Variants in PIK3R5 observed in about 807,000 individuals in gnomAD.
PIK3R5 encodes the protein phosphoinositide-3-kinase regulatory subunit 5.
Under a neutral mutation model 94.9 loss-of-function variants are expected in PIK3R5, and 32 were observed. That is an observed-to-expected ratio of 0.34 (90% CI 0.25 to 0.45). The LOEUF (loss-of-function observed/expected upper bound fraction) is 0.45, where lower values mean the gene tolerates loss of function less well. PIK3R5 is among the 20% of genes least tolerant of loss of function. The pLI, the probability that PIK3R5 is intolerant of heterozygous loss-of-function variation, is 1.00. For synonymous variants in PIK3R5, 443 were observed against 479.4 expected, an observed-to-expected ratio of 0.92 and a Z score of 0.99; for missense variants, 853 against 1,144.6, an observed-to-expected ratio of 0.75 and a Z score of 3.68.
At chr17:8,963,767 G>C (rs1308684545) in intron 1 of PIK3R5, among the ~76,000 whole-genome samples, 1 of 152,054 alleles carries the variant, frequency 6.6e-6, no homozygotes, top group Non-Finnish European at 1.5e-5. Context: ...ACTGCAGCCT[G>C]AGGAGGGAAG....
rs1044589096 is a variant in PIK3R5, at chr17:8,911,035, C to G, written c.103+357G>C. On this transcript the variant is annotated intron_variant, in intron 2 of 18. Transcript: ENST00000447110. This position sits in a 1 kb window ranked among gnomAD's most constrained non-coding sequence, Gnocchi z 5.3. Reference sequence around the variant, plus strand: ...GATAGGACTATGAGGGAACTAGAAACAAACAAACAGGAGAATTCTGGGGAG... The same window carrying G: ...GATAGGACTATGAGGGAACTAGAAAGAAACAAACAGGAGAATTCTGGGGAG... 3.3e-5 allele frequency among the ~76,000 whole-genome samples: 5 copies of G among 152,174 alleles called. No individual in the cohort carries two copies. Among genetic ancestry groups the G allele is most frequent in the African/African-American group, 1.2e-4 (5 of 41,450 alleles).
At chr17:8,903,835 G>C in intron 5 of PIK3R5, among the ~76,000 whole-genome samples, 1 of 152,188 alleles carries the variant, frequency 6.6e-6, no homozygotes, top group East Asian at 1.9e-4. Flanking sequence ...TCTCAGTCTC[G>C]ACAGAAAACC....
chr17:8,920,953 T>C (rs550170167), intron 1 of PIK3R5, among the ~76,000 whole-genome samples: 6 of 151,804 alleles, frequency 4.0e-5, no homozygotes, highest in Admixed American at 2.0e-4. Flanking sequence ...GCTATCCTCC[T>C]GCCTCAGCCT....
At chr17:8,919,773 TC>T (rs1271566100) in intron 1 of PIK3R5, among the ~76,000 whole-genome samples, 2 of 152,136 alleles carry the variant, frequency 1.3e-5, no homozygotes, top group African/African-American at 4.8e-5. Flanking sequence ...GTGGAAACAT[TC>T]CCAGTGCATA....
chr17:8,923,016 A>C (rs141437141), intron 1 of PIK3R5, among the ~76,000 whole-genome samples: 2 of 152,318 alleles, frequency 1.3e-5, no homozygotes, highest in East Asian at 3.9e-4. Flanking sequence ...AGTTGTGGTC[A>C]AGACCAAGAA....
rs2090466221 is a variant in PIK3R5 at position 8,909,124 on chromosome 17, G to C, written c.154C>G (p.Pro52Ala). 3 of 1,609,328 alleles carry C rather than the reference G, an allele frequency of 1.9e-6. No individual in the cohort carries two copies. The highest frequency in any genetic ancestry group is 3.3e-5 in the Admixed American group (2 of 59,728). The change falls in exon 3 of 19, where the codon CCG becomes GCG. Residue 52 changes from proline to alanine, a missense_variant. Pro to Ala is a conservative substitution (Grantham distance 27). This residue lies in a region of PIK3R5 where 108 missense variants were observed against 170.1 expected (regional missense o/e 0.63). Transcript: ENST00000447110. The surrounding 1 kb of genome is among the most constrained non-coding windows in gnomAD (Gnocchi z 4.3). ...WSLQELVSRD[P>A]GHFLILLEQI... Reference sequence around the variant, plus strand: ...TCAAGGAGGATAAGGAAGTGGCCCGGGTCCCTGCTGACCAGCTCCTGCAGG... The same window carrying C: ...TCAAGGAGGATAAGGAAGTGGCCCGCGTCCCTGCTGACCAGCTCCTGCAGG...
chr17:8,957,635 G>A (rs2091485841), intron 1 of PIK3R5, among the ~76,000 whole-genome samples: 1 of 152,208 alleles, frequency 6.6e-6, no homozygotes, highest in African/African-American at 2.4e-5. Context: ...GTGGAAATAG[G>A]CATGCTTGTT....
intron 14 of PIK3R5, chr17:8,885,160 G>T (rs2089787655): frequency 8.0e-6 from 2 of 249,444 alleles, no homozygotes; most frequent in African/African-American, 2.3e-5. Flanking sequence ...GGGTAACCCT[G>T]CCTCCCCAGG....
In PIK3R5 at chr17:8,911,612, C is replaced by A. The variant is rs1192945716; in HGVS notation, c.-13-105G>T. On this transcript the variant is annotated intron_variant, in intron 1 of 18. Coordinates refer to ENST00000447110, the MANE Select transcript of PIK3R5 (RefSeq NM_001142633.3). The surrounding 1 kb of genome is among the most constrained non-coding windows in gnomAD (Gnocchi z 5.3). ...TCACAGTGCAGCGCGATCAGCCCAG[C>A]CCAGCTATAGCTCAGGTGCTGTGGA... 1.4e-6 allele frequency: 1 copy of A among 705,356 alleles called. No individual in the cohort carries two copies. Among genetic ancestry groups the A allele is most frequent in the East Asian group, 2.8e-5 (1 of 36,094 alleles). The allele number at this position is 705,356 out of a possible 1,614,324, so 43.7% of individuals were successfully genotyped here.
intron 1 of PIK3R5, among the ~76,000 whole-genome samples, chr17:8,952,283 A>C (rs1373690425): frequency 6.6e-6 from 1 of 152,264 alleles, no homozygotes; most frequent in East Asian, 1.9e-4. Flanking sequence ...TATTTCAGTG[A>C]ATGCTGAGTT....
At position 8,911,418 on chromosome 17, in the gene PIK3R5, A is replaced by C. The variant is rs2090521398; in HGVS notation, c.77T>G (p.Leu26Arg). Residue 26 changes from leucine to arginine, a missense_variant, in exon 2 of 19, where the codon CTC (leucine) becomes CGC (arginine). Physicochemically the swap from Leu to Arg is moderately radical, Grantham distance 102. Coordinates refer to ENST00000447110, the MANE Select transcript of PIK3R5 (RefSeq NM_001142633.3). The surrounding 1 kb of genome is among the most constrained non-coding windows in gnomAD (Gnocchi z 5.3). ...ALERCLHGLSLSRRSTSWSAG... is the reference protein window; with the variant it reads ...ALERCLHGLSRSRRSTSWSAG... ...TGACCAGGAGGTGGAGCGGCGGCTGAGGCTGAGTCCATGCAGGCAGCGTTC... is the reference window on the plus strand; with the variant it reads ...TGACCAGGAGGTGGAGCGGCGGCTGCGGCTGAGTCCATGCAGGCAGCGTTC... 1 of 1,599,672 alleles carries C rather than the reference A, an allele frequency of 6.3e-7. No individual in the cohort carries two copies. Among genetic ancestry groups the C allele is most frequent in the Non-Finnish European group, 8.5e-7 (1 of 1,179,836 alleles).
At chr17:8,905,016 C>T (rs1203329398) in intron 4 of PIK3R5, 101 bp from the exon 5 acceptor site, 5 of 1,278,300 alleles carry the variant, frequency 3.9e-6, no homozygotes, top group African/African-American at 1.5e-5. Context: ...CCACAAAAGA[C>T]ACACATTTCC....
At chr17:8,960,637 A>G (rs776258706) in intron 1 of PIK3R5, among the ~76,000 whole-genome samples, 12 of 152,256 alleles carry the variant, frequency 7.9e-5, no homozygotes, top group Non-Finnish European at 1.8e-4. Context: ...TGACATGCAG[A>G]GAGGTACATG....
chr17:8,948,532 G>A (rs910411343), intron 1 of PIK3R5, among the ~76,000 whole-genome samples: 2 of 152,110 alleles, frequency 1.3e-5, no homozygotes, highest in Non-Finnish European at 2.9e-5. Context: ...CACAGAAGAG[G>A]GTGTCCAAAT....
intron 12 of PIK3R5, among the ~76,000 whole-genome samples, 173 bp from the exon 13 acceptor site, chr17:8,886,778 T>C (rs2089869601): frequency 6.6e-6 from 1 of 152,064 alleles, no homozygotes. Context: ...TCCATGCCCC[T>C]CACCTGACCC....
chr17:8,889,972 C>G lies in PIK3R5; in HGVS notation c.811+1G>C. ...GAACCCCATTCTCCCAAGAGCCTCACCTAACACCCCAGGGAAGCCAGCTTT... is the reference window on the plus strand; with the variant it reads ...GAACCCCATTCTCCCAAGAGCCTCAGCTAACACCCCAGGGAAGCCAGCTTT... On this transcript the variant is annotated splice_donor_variant, in intron 8 of 18. Transcript: ENST00000447110. LOFTEE classifies it high-confidence loss of function. The surrounding 1 kb of genome is among the most constrained non-coding windows in gnomAD (Gnocchi z 4.1). 1 of 1,613,712 alleles carries G rather than the reference C, an allele frequency of 6.2e-7. No individual in the cohort carries two copies. Among genetic ancestry groups the G allele is most frequent in the South Asian group, 1.1e-5 (1 of 91,078 alleles).
chr17:8,900,353 C>A (rs2090252870), intron 5 of PIK3R5, among the ~76,000 whole-genome samples: 1 of 152,174 alleles, frequency 6.6e-6, no homozygotes, highest in Non-Finnish European at 1.5e-5. Flanking sequence ...TGCTGGTTTC[C>A]TCATTAATGA....
At chr17:8,923,184 A>G (rs991595048) in intron 1 of PIK3R5, among the ~76,000 whole-genome samples, 6 of 152,218 alleles carry the variant, frequency 3.9e-5, no homozygotes, top group Non-Finnish European at 8.8e-5. Flanking sequence ...GAGGAAGTTC[A>G]GCTCCTGTTG....
chr17:8,930,058 A>G (rs1458528643), intron 1 of PIK3R5, among the ~76,000 whole-genome samples: 1 of 152,266 alleles, frequency 6.6e-6, no homozygotes, highest in African/African-American at 2.4e-5. Context: ...GCAAGGATGC[A>G]TAAGAATTCA....
Sources: gnomAD v4.1 joint callset for allele counts (sites outside exome capture counted in the v4.1 genomes callset) on GRCh38, gnomAD v4.1.1 for gene constraint, gnomAD v4.1.1 regional missense constraint, Gnocchi (gnomAD v3.1) non-coding constraint, MANE v1.5 for transcripts, NCBI Gene and HGNC (gene_info 2026-07-23, HGNC 2026-07-21) for gene names.